The following ENO3 variants were observed in gnomAD, a reference collection of about 807,000 sequenced individuals.
ENO3 encodes the protein beta-enolase.
ENO3 carries 46 observed loss-of-function variants against 47.7 expected under a neutral mutation model. The ratio of observed to expected loss-of-function variants is 0.96; its 90% CI spans 0.76 to 1.23. ENO3 has a LOEUF of 1.23. Ranked by LOEUF, ENO3 falls within the 50% of genes most tolerant of loss-of-function variation. The pLI is 0.00. For synonymous variants in ENO3, 223 were observed against 225.9 expected (o/e 0.99, Z 0.11); for missense variants, 575 against 566.2 (o/e 1.02, Z -0.16).
At chr17:4,951,708 A>T in intron 1 of ENO3, 120 bp from the exon 2 acceptor site, 1 of 1,083,636 alleles carries the variant, frequency 9.2e-7, no homozygotes. Flanking sequence ...ACCTTTTTGT[A>T]GGGTATTTTT....
intron 1 of ENO3, 74 bp downstream of exon 1, chr17:4,951,256 G>A (rs973793543): frequency 2.0e-6 from 2 of 1,008,654 alleles, no homozygotes; most frequent in Non-Finnish European, 2.4e-6. Context: ...AGGAAGTGGG[G>A]GACATTTCTG....
chr17:4,952,818 A>C lies in ENO3; in HGVS notation c.109A>C (p.Ser37Arg). Residue 37 changes from serine to arginine, a missense_variant, in exon 3 of 12, where the codon AGT (serine) becomes CGT (arginine). Ser to Arg is a moderately radical substitution (Grantham distance 110). Coordinates refer to ENST00000519602, the MANE Select transcript of ENO3 (RefSeq NM_053013.4). ...AKGRFRAAVP[S>R]GASTGIYEAL... Reference sequence around the variant, plus strand: ...AGGCCGATTCCGAGCAGCTGTGCCCAGTGGGGCTTCCACGGGTATCTATGA... The same window carrying C: ...AGGCCGATTCCGAGCAGCTGTGCCCCGTGGGGCTTCCACGGGTATCTATGA... 3 of 1,611,570 alleles carry C rather than the reference A, an allele frequency of 1.9e-6. No individual in the cohort carries two copies. The highest frequency in any genetic ancestry group is 2.5e-6 in the Non-Finnish European group (3 of 1,178,700).
At position 4,951,125 on chromosome 17, in the gene ENO3, G is replaced by T; in HGVS notation, c.-60G>T. ...GCCTGAGAGGGGGTGAGCTGACACT[G>T]TCCCAGCTGCCACCTAGACTCGGAG... is the stretch of plus-strand genomic sequence containing the variant. On this transcript the variant is annotated 5_prime_UTR_variant, in exon 1 of 12. Coordinates refer to ENST00000519602, the MANE Select transcript of ENO3 (RefSeq NM_053013.4). 1 of 988,870 alleles carries T rather than the reference G, an allele frequency of 1.0e-6. No homozygotes were observed. The highest frequency in any genetic ancestry group is 1.2e-6 in the Non-Finnish European group (1 of 832,050). 61.3% of individuals were successfully genotyped at this position (988,870 alleles called of 1,614,324 possible). A position where few individuals can be genotyped will look rare whatever the true frequency, so the allele number is the denominator to read the frequency against.
chr17:4,948,986 C>G (rs1971467437), upstream of ENO3: 1 of 151,808 alleles, frequency 6.6e-6, no homozygotes, highest in Non-Finnish European at 1.5e-5. Context: ...CGCGTGTGCC[C>G]GCGCCTGCGC....
rs1197905457 is a variant in ENO3 at position 4,956,023 on chromosome 17, T to TG, written c.952dup (p.Asp318GlyfsTer2). The TG allele has an allele frequency of 1.9e-6, 3 of 1,613,918 alleles. No homozygotes were observed. In the South Asian group the frequency reaches 3.3e-5, roughly 18 times the overall value. On this transcript the variant is annotated frameshift_variant, in exon 9 of 12. Transcript: ENST00000519602. LOFTEE classifies it high-confidence loss of function. ...CTCTCGGGGGTGAACATCCAGATTG[T>TG]GGGGGATGACTTGACAGTCACCAAC...
intron 1 of ENO3, 177 bp from the exon 2 acceptor site, chr17:4,951,651 G>A: frequency 4.4e-6 from 3 of 676,454 alleles, no homozygotes; most frequent in Non-Finnish European, 7.9e-6. Flanking sequence ...TGGAATAAGA[G>A]CTGTTCTGAG....
intron 8 of ENO3, 85 bp downstream of exon 8, chr17:4,955,689 C>T (rs1162020076): frequency 4.5e-6 from 7 of 1,570,030 alleles, no homozygotes; most frequent in African/African-American, 1.3e-5. Context: ...GCTTTGCCAT[C>T]GACTTGGATC....
rs769513367 is a variant in ENO3 at position 4,955,566 on chromosome 17, T to C, written c.827T>C (p.Leu276Pro). 2 of 1,614,214 alleles carry C rather than the reference T, an allele frequency of 1.2e-6. No homozygotes were observed. The highest frequency in any genetic ancestry group is 2.2e-5 in the South Asian group (2 of 91,076). ...DPARHITGEK[L>P]GELYKSFIKN... The stretch of plus-strand genomic sequence containing the variant: ...GCACGGCACATCACTGGGGAGAAGC[T>C]CGGAGAGCTGTATAAGAGCTTTATC... Residue 276 changes from leucine (L) to proline (P), a missense_variant, in exon 8 of 12, where the codon CTC becomes CCC. Coordinates refer to ENST00000519602, the MANE Select transcript of ENO3 (RefSeq NM_053013.4).
chr17:4,952,963 T>C, intron 3 of ENO3, 73 bp downstream of exon 3: 1 of 1,610,736 alleles, frequency 6.2e-7, no homozygotes, highest in Non-Finnish European at 8.5e-7. Flanking sequence ...GGTAGAGGAC[T>C]GGAACCCCCA....
upstream of ENO3, chr17:4,950,457 C>A: frequency 3.1e-6 from 2 of 647,994 alleles, no homozygotes; most frequent in Non-Finnish European, 1.9e-6. Context: ...CTCTGACCGA[C>A]AGTCCCCACG....
chr17:4,956,205 C>A (rs1167691712), intron 9 of ENO3, 62 bp downstream of exon 9: 7 of 1,577,682 alleles, frequency 4.4e-6, no homozygotes, highest in Non-Finnish European at 6.1e-6. Flanking sequence ...CTGCCCACTC[C>A]AGCTACAGTC....
At chr17:4,954,209 C>T in intron 6 of ENO3, 1 of 332,820 alleles carries the variant, frequency 3.0e-6, no homozygotes, top group Non-Finnish European at 5.7e-6. Context: ...AAACCAGTGC[C>T]TTCTTGATGA....
chr17:4,951,175 C>T lies in ENO3; in HGVS notation c.-10C>T, dbSNP rs1022809235. On this transcript the variant is annotated 5_prime_UTR_variant, in exon 1 of 12. Transcript: ENST00000519602. The stretch of plus-strand genomic sequence containing the variant: ...GCTCCATCCAAACCTCCAGCGAAGA[C>T]ATCCCAGGTCGGGTGAATCTTCCAG... 4.0e-6 allele frequency: 4 copies of T among 990,316 alleles called. No homozygotes were observed. In the African/African-American group the frequency reaches 7.0e-5, roughly 17 times the overall value. The allele number at this position is 990,316 out of a possible 1,614,324, so 61.3% of individuals were successfully genotyped here.
upstream of ENO3, chr17:4,950,257 C>G (rs1181292919): frequency 6.6e-6 from 1 of 152,306 alleles, no homozygotes; most frequent in East Asian, 1.9e-4. Context: ...AAGTGGAGAT[C>G]TCTACCGAGG....
intron 6 of ENO3, among the ~76,000 whole-genome samples, chr17:4,954,843 G>A (rs879622445): frequency 4.0e-5 from 6 of 151,398 alleles, no homozygotes; most frequent in Non-Finnish European, 5.9e-5. Flanking sequence ...AACCCGGGAG[G>A]CGGAGGTTGC....
chr17:4,954,117 C>G, intron 6 of ENO3: 2 of 558,906 alleles, frequency 3.6e-6, no homozygotes, highest in Non-Finnish European at 6.4e-6. Flanking sequence ...GTTCCAACCC[C>G]ACACCCTACA....
chr17:4,955,689 C>G (rs1162020076), intron 8 of ENO3, 85 bp downstream of exon 8: 10 of 1,569,914 alleles, frequency 6.4e-6, no homozygotes, highest in Non-Finnish European at 7.9e-6. Context: ...GCTTTGCCAT[C>G]GACTTGGATC....
chr17:4,951,979 A>G (rs1189492352), intron 2 of ENO3, 65 bp downstream of exon 2: 55 of 1,549,436 alleles, frequency 3.5e-5, no homozygotes, highest in Non-Finnish European at 4.9e-5. Flanking sequence ...TTTGCCCCCC[A>G]GTTCTGTGCC....
At chr17:4,953,590 GGGGAGAGA>G in intron 5 of ENO3, 114 bp from the exon 6 acceptor site, 1 of 1,574,358 alleles carries the variant, frequency 6.4e-7, no homozygotes, top group Non-Finnish European at 8.7e-7. Flanking sequence ...TCAGGCTGTT[GGGGAGAGA>G]TCTGTTAACC....
Sources: gnomAD v4.1 joint callset for allele counts (sites outside exome capture counted in the v4.1 genomes callset) on GRCh38, gnomAD v4.1.1 for gene constraint, MANE v1.5 for transcripts, NCBI Gene and HGNC (gene_info 2026-07-23, HGNC 2026-07-21) for gene names.